Variants in TNN observed in about 807,000 individuals in gnomAD.
The protein encoded by TNN is tenascin N.
TNN carries 122 observed loss-of-function variants against 134.4 expected under a neutral mutation model. That is an observed-to-expected ratio of 0.91 (90% confidence interval 0.78 to 1.06). The LOEUF (loss-of-function observed/expected upper bound fraction) is 1.06, where lower values mean the gene tolerates loss of function less well. Among genes scored for constraint, TNN ranks in the 50% least tolerant of loss-of-function variants. The pLI is 0.00. For missense variants in TNN, 1,739 were observed against 1,699.4 expected (o/e 1.02, Z -0.41); for synonymous variants, 710 against 670.3 (o/e 1.06, Z -0.91).
intron 8 of TNN, 123 bp downstream of exon 8, chr1:175,097,806 A>C: frequency 7.4e-7 from 1 of 1,351,666 alleles, no homozygotes; most frequent in Non-Finnish European, 1.0e-6. Context: ...AGATGAAAGA[A>C]AGACTGAGCT....
chr1:175,073,470 T>C (rs1673965630), intron 1 of TNN, among the ~76,000 whole-genome samples: 1 of 152,178 alleles, frequency 6.6e-6, no homozygotes, highest in Admixed American at 6.5e-5. Flanking sequence ...TGGTGGCTTT[T>C]GGTCTTAGAA....
At chr1:175,073,650 A>C (rs748694214) in intron 1 of TNN, among the ~76,000 whole-genome samples, 1 of 152,162 alleles carries the variant, frequency 6.6e-6, no homozygotes, top group Non-Finnish European at 1.5e-5. Context: ...CTTAACATGC[A>C]TGGCTGCTTC....
At chr1:175,100,150 C>G (rs1341657367) in intron 9 of TNN, among the ~76,000 whole-genome samples, 2 of 152,186 alleles carry the variant, frequency 1.3e-5, no homozygotes, top group Admixed American at 6.5e-5. Context: ...GACACCAGCC[C>G]GTATGATTCC....
Position 175,080,278 on chromosome 1 carries a change from G to C in TNN, c.900G>C (p.Lys300Asn). ...HYLLSYYPLG[K>N]ELSGKQIQVP... ...TCCTCAGCTACTACCCCCTGGGGAAGGAGCTCTCTGGGAAGCAGATCCAAG... is the reference window on the plus strand; with the variant it reads ...TCCTCAGCTACTACCCCCTGGGGAACGAGCTCTCTGGGAAGCAGATCCAAG... Residue 300 changes from lysine to asparagine, a missense_variant, in exon 4 of 19, where the codon AAG (lysine) becomes AAC (asparagine). Physicochemically the swap from Lys to Asn is moderately conservative, Grantham distance 94 (BLOSUM62 0). Coordinates refer to ENST00000239462, the MANE Select transcript of TNN (RefSeq NM_022093.2). The C allele has an allele frequency of 3.7e-6, 6 of 1,614,114 alleles. No homozygotes were observed. The highest frequency in any genetic ancestry group is 5.1e-6 in the Non-Finnish European group (6 of 1,180,012).
chr1:175,127,696 G>C (rs1675567010), intron 13 of TNN, among the ~76,000 whole-genome samples: 1 of 152,190 alleles, frequency 6.6e-6, no homozygotes, highest in Non-Finnish European at 1.5e-5. Context: ...TTGCCAGCCT[G>C]TTCCTGCTGG....
intron 18 of TNN, 43 bp downstream of exon 18, chr1:175,144,593 A>G (rs1332965357): frequency 1.3e-6 from 2 of 1,593,370 alleles, no homozygotes; most frequent in Non-Finnish European, 1.7e-6. Flanking sequence ...GGGTATGTCC[A>G]TATTCAGCTT....
chr1:175,129,349 C>T (rs1675619305), intron 15 of TNN, among the ~76,000 whole-genome samples: 2 of 152,028 alleles, frequency 1.3e-5, no homozygotes, highest in Admixed American at 1.3e-4. Flanking sequence ...GAATACCTAA[C>T]TTTCTGGGAA....
intron 9 of TNN, among the ~76,000 whole-genome samples, chr1:175,110,976 A>G (rs1336465165): frequency 6.6e-6 from 1 of 151,592 alleles, no homozygotes; most frequent in African/African-American, 2.4e-5. Flanking sequence ...GGAGTTCAAG[A>G]CCAGCCTGGC....
In TNN at chr1:175,129,915, A is replaced by G. The variant is rs149098474; in HGVS notation, c.3330+1169A>G. ...TTGAGGTTTTGATTGGAAAGACTAA[A>G]GTCTGAAAGACGGAAACTTGGGCAA... On this transcript the variant is annotated intron_variant, in intron 15 of 18. Transcript: ENST00000239462. 2.0e-5 allele frequency among the ~76,000 whole-genome samples: 3 copies of G among 152,352 alleles called. No homozygotes were observed. In the East Asian group the frequency reaches 5.8e-4, roughly 29 times the overall value.
At chr1:175,110,605 A>T (rs937619434) in intron 9 of TNN, among the ~76,000 whole-genome samples, 6 of 152,200 alleles carry the variant, frequency 3.9e-5, no homozygotes, top group Admixed American at 3.9e-4. Context: ...TTTTCCTAGA[A>T]CTATTTATTG....
At chr1:175,078,148 G>A (rs1674097976) in intron 2 of TNN, among the ~76,000 whole-genome samples, 1 of 152,130 alleles carries the variant, frequency 6.6e-6, no homozygotes, top group African/African-American at 2.4e-5. Flanking sequence ...GGAAGCAATG[G>A]GATACACAGG....
intron 16 of TNN, among the ~76,000 whole-genome samples, 187 bp from the exon 17 acceptor site, chr1:175,136,634 T>C (rs1246525499): frequency 6.6e-6 from 1 of 152,182 alleles, no homozygotes; most frequent in African/African-American, 2.4e-5. Flanking sequence ...TTCCATAGAA[T>C]GTGGTCTTCG....
chr1:175,097,620 G>C lies in TNN; in HGVS notation c.1792G>C (p.Val598Leu), dbSNP rs1558356058. The C allele has an allele frequency of 2.5e-6, 4 of 1,614,230 alleles. No individual in the cohort carries two copies. The highest frequency in any genetic ancestry group is 3.4e-6 in the Non-Finnish European group (4 of 1,180,040). ...TGLRPGVEYT[V>L]HVWAQKGDRE... ...CCTGAGGCCAGGTGTGGAGTACACA[G>C]TGCATGTCTGGGCCCAGAAGGGGGA... The change falls in exon 8 of 19, where the codon GTG becomes CTG. Residue 598 changes from valine to leucine, a missense_variant. By Grantham distance (32) the Val-to-Leu change is conservative (BLOSUM62 1). Transcript: ENST00000239462.
rs960137067 is a variant in TNN, at chr1:175,102,478, G to A, written c.2119+3883G>A. On this transcript the variant is annotated intron_variant, in intron 9 of 18. Coordinates refer to ENST00000239462, the MANE Select transcript of TNN (RefSeq NM_022093.2). ...GGCAGCTAAGGCTCGGCGAGAAATC[G>A]AGCGCAGTGCCGGTGGGCTGGCACT... Among the ~76,000 whole-genome samples, 6 of 145,824 alleles carry A rather than the reference G, an allele frequency of 4.1e-5. 1 individual carries two copies. The highest frequency in any genetic ancestry group is 1.2e-4 in the African/African-American group (5 of 40,528).
intron 4 of TNN, among the ~76,000 whole-genome samples, chr1:175,080,640 G>C (rs894127456): frequency 1.4e-4 from 21 of 152,074 alleles, no homozygotes; most frequent in Admixed American, 9.8e-4. Context: ...CTAGATGGGG[G>C]CTCATGGGGT....
chr1:175,083,639 G>C, intron 4 of TNN, 111 bp from the exon 5 acceptor site: 1 of 984,550 alleles, frequency 1.0e-6, no homozygotes, highest in Non-Finnish European at 1.5e-6. Flanking sequence ...GCTGAAGCCA[G>C]CTCTTGAGAT....
intron 17 of TNN, among the ~76,000 whole-genome samples, chr1:175,141,798 T>C (rs1675950110): frequency 6.6e-6 from 1 of 152,176 alleles, no homozygotes; most frequent in African/African-American, 2.4e-5. Context: ...AGACCTTTCA[T>C]GGGCCTGCCA....
chr1:175,119,126 A>G (rs1039029921), intron 11 of TNN, among the ~76,000 whole-genome samples: 1 of 152,258 alleles, frequency 6.6e-6, no homozygotes, highest in Non-Finnish European at 1.5e-5. Context: ...GTAAAGTGAA[A>G]GCAAGTTTAT....
intron 6 of TNN, among the ~76,000 whole-genome samples, chr1:175,089,009 G>A (rs1674382203): frequency 6.6e-6 from 1 of 152,212 alleles, no homozygotes; most frequent in South Asian, 2.1e-4. Flanking sequence ...ACTCAAAAGT[G>A]TTTTTATTGT....
Sources: allele counts gnomAD v4.1 joint callset (sites outside exome capture counted in the v4.1 genomes callset), GRCh38; gene constraint gnomAD v4.1.1; transcripts MANE v1.5; gene names NCBI Gene and HGNC (gene_info 2026-07-23, HGNC 2026-07-21).